Variants in TGFBR3 observed in about 807,000 individuals in gnomAD.
The protein encoded by TGFBR3 is transforming growth factor beta receptor 3.
TGFBR3 carries 46 observed loss-of-function variants against 87.9 expected under a neutral mutation model. The ratio of observed to expected loss-of-function variants is 0.52; its 90% CI spans 0.41 to 0.67. The LOEUF (loss-of-function observed/expected upper bound fraction) is 0.67. Among genes scored for constraint, TGFBR3 ranks in the 30% least tolerant of loss-of-function variants. The probability of loss-of-function intolerance (pLI) is 0.00; values close to 1 mark genes in which losing one functional copy is unlikely to be tolerated. For missense variants in TGFBR3, 866 were observed against 1,041.9 expected (o/e 0.83, Z 2.32); for synonymous variants, 381 against 391.6 (o/e 0.97, Z 0.32).
At position 91,698,124 on chromosome 1, in the gene TGFBR3, C is replaced by T. The variant is rs1246784428; in HGVS notation, c.2294G>A (p.Gly765Asp). Residue 765 changes from glycine (G) to aspartate (D), a missense_variant, in exon 15 of 17, where the codon GGT becomes GAT. Gly to Asp is a moderately conservative substitution (Grantham distance 94). Transcript: ENST00000212355. ...TGGATTTGGTTCCTTCATGCTTGGA[C>T]CTTTTTCTGAAACAAAAACATAAAT... ...IHHEAESKEK[G>D]PSMKEPNPIS... 2 of 1,613,872 alleles carry T rather than the reference C, an allele frequency of 1.2e-6. No homozygotes were observed.
intron 4 of TGFBR3, among the ~76,000 whole-genome samples, chr1:91,745,718 G>A (rs1372903614): frequency 6.6e-6 from 1 of 152,232 alleles, no homozygotes; most frequent in Non-Finnish European, 1.5e-5. Context: ...GCCATGTGAT[G>A]TGAAATGCAA....
intron 4 of TGFBR3, among the ~76,000 whole-genome samples, chr1:91,758,121 G>GA (rs1243592197): frequency 6.6e-6 from 1 of 152,088 alleles, no homozygotes; most frequent in Admixed American, 6.6e-5. Flanking sequence ...GTTCCAGCTT[G>GA]TTTTTTTAAT....
Position 91,716,722 on chromosome 1 carries a change from A to G in TGFBR3, c.1567-14T>C. On this transcript the variant is annotated splice_polypyrimidine_tract_variant and intron_variant, in intron 10 of 16. Coordinates refer to ENST00000212355, the MANE Select transcript of TGFBR3 (RefSeq NM_003243.5). ...CTGTATCACAATCTAAAAGGCAAAG[A>G]AAGCACAGCCAATGTTATAAAAACA... The G allele has an allele frequency of 1.2e-6, 2 of 1,614,114 alleles. No homozygotes were observed. The highest frequency in any genetic ancestry group is 1.7e-6 in the Non-Finnish European group (2 of 1,180,024).
chr1:91,853,324 G>A (rs1338453614), intron 2 of TGFBR3, among the ~76,000 whole-genome samples: 1 of 144,338 alleles, frequency 6.9e-6, no homozygotes, highest in Non-Finnish European at 1.5e-5. Flanking sequence ...TTTTCAGTTT[G>A]CTTTGAACCT....
intron 3 of TGFBR3, among the ~76,000 whole-genome samples, chr1:91,763,991 T>A (rs1674070027): frequency 6.6e-6 from 1 of 152,084 alleles, no homozygotes; most frequent in African/African-American, 2.4e-5. Flanking sequence ...AGCTTTAAAA[T>A]TTTTCCTTTT....
intron 7 of TGFBR3, among the ~76,000 whole-genome samples, chr1:91,726,734 G>T (rs1672561030): frequency 9.5e-6 from 1 of 105,724 alleles, no homozygotes; most frequent in African/African-American, 3.8e-5. Flanking sequence ...CCAAAATACT[G>T]AAAACATAAA....
At chr1:91,782,619 T>C (rs1288504803) in intron 3 of TGFBR3, among the ~76,000 whole-genome samples, 1 of 152,234 alleles carries the variant, frequency 6.6e-6, no homozygotes, top group Non-Finnish European at 1.5e-5. Flanking sequence ...AGAGAGTCAA[T>C]GCTCTTCAGG....
intron 15 of TGFBR3, among the ~76,000 whole-genome samples, chr1:91,696,522 G>T (rs1019279588): frequency 2.0e-5 from 3 of 152,096 alleles, no homozygotes; most frequent in Non-Finnish European, 4.4e-5. Context: ...AGAACCAATT[G>T]TTTCTCCATT....
At chr1:91,842,846 C>G (rs1212920778) in intron 2 of TGFBR3, among the ~76,000 whole-genome samples, 1 of 152,082 alleles carries the variant, frequency 6.6e-6, no homozygotes, top group Non-Finnish European at 1.5e-5. Flanking sequence ...GATAAGGCAA[C>G]AAAAGCTCTG....
intron 2 of TGFBR3, among the ~76,000 whole-genome samples, chr1:91,820,193 C>G (rs1188535818): frequency 6.6e-6 from 1 of 152,142 alleles, no homozygotes; most frequent in Non-Finnish European, 1.5e-5. Context: ...ATCTTCTCAG[C>G]CAGGTTTGGG....
chr1:91,820,781 A>G (rs1186624950), intron 2 of TGFBR3, among the ~76,000 whole-genome samples: 1 of 152,226 alleles, frequency 6.6e-6, no homozygotes, highest in African/African-American at 2.4e-5. Context: ...ACAGACAGAA[A>G]TATCTTATGA....
chr1:91,810,625 A>C (rs905190687), intron 2 of TGFBR3, among the ~76,000 whole-genome samples: 1 of 152,148 alleles, frequency 6.6e-6, no homozygotes, highest in African/African-American at 2.4e-5. Context: ...CATGTGCCAA[A>C]CAACCAAACT....
At chr1:91,723,064 T>A (rs908011338) in intron 7 of TGFBR3, among the ~76,000 whole-genome samples, 4 of 152,210 alleles carry the variant, frequency 2.6e-5, no homozygotes, top group African/African-American at 9.6e-5. Flanking sequence ...TATAACTGTA[T>A]TCATTTGCCA....
chr1:91,779,293 C>T (rs917000970), intron 3 of TGFBR3, among the ~76,000 whole-genome samples: 1 of 152,212 alleles, frequency 6.6e-6, no homozygotes, highest in African/African-American at 2.4e-5. Context: ...CTGTTCTAAG[C>T]ACCAGTCATG....
At position 91,734,761 on chromosome 1, in the gene TGFBR3, C is replaced by T. The variant is rs1296555780; in HGVS notation, c.568+15G>A. On this transcript the variant is annotated intron_variant, in intron 5 of 16. Transcript: ENST00000212355. ...GTCATAAATCAGTCATTAACTGAAG[C>T]CACATAAAATTTACCTTCCCCCACT... The T allele has an allele frequency of 6.2e-7, 1 of 1,613,772 alleles. No individual in the cohort carries two copies. The highest frequency in any genetic ancestry group is 1.7e-5 in the Admixed American group (1 of 60,030).
chr1:91,904,887 A>T lies in TGFBR3; in HGVS notation c.-175+939T>A, dbSNP rs572312606. Among the ~76,000 whole-genome samples the T allele has an allele frequency of 2.6e-5, 4 of 151,982 alleles. No individual in the cohort carries two copies. In the South Asian group the frequency reaches 8.3e-4, roughly 32 times the overall value. Reference sequence around the variant, plus strand: ...GGCCTAATTTTTGTATTTTTAATAGAGATAGAGTTTCACCATGGTGGCCAG... The same window carrying T: ...GGCCTAATTTTTGTATTTTTAATAGTGATAGAGTTTCACCATGGTGGCCAG... On this transcript the variant is annotated intron_variant, in intron 1 of 17. Coordinates refer to the TGFBR3 transcript ENST00000370399.
intron 2 of TGFBR3, among the ~76,000 whole-genome samples, chr1:91,801,705 A>C (rs1675634583): frequency 6.6e-6 from 1 of 152,182 alleles, no homozygotes; most frequent in Non-Finnish European, 1.5e-5. Flanking sequence ...CTTTTCATTA[A>C]AGAAAAGTTG....
At chr1:91,751,811 TTC>T (rs750380451) in intron 4 of TGFBR3, among the ~76,000 whole-genome samples, 1 of 152,216 alleles carries the variant, frequency 6.6e-6, no homozygotes, top group Non-Finnish European at 1.5e-5. Context: ...AGAGTTTAGT[TTC>T]TGTCATTTAT....
chr1:91,818,278 CTTTTTTTTTTT>C (rs760050197), intron 2 of TGFBR3, among the ~76,000 whole-genome samples: 12 of 32,456 alleles, frequency 3.7e-4, no homozygotes, highest in African/African-American at 1.2e-3. Context: ...TAGCCCCAGC[CTTTTTTTTTTT>C]TTTTTTTTTT....
Sources: gnomAD v4.1 joint callset for allele counts (sites outside exome capture counted in the v4.1 genomes callset) on GRCh38, gnomAD v4.1.1 for gene constraint, MANE v1.5 for transcripts, NCBI Gene and HGNC (gene_info 2026-07-23, HGNC 2026-07-21) for gene names.